The following ITPR1 variants were observed in gnomAD, a reference collection of about 807,000 sequenced individuals.
ITPR1 encodes the protein inositol 1,4,5-trisphosphate-gated calcium channel ITPR1.
A neutral mutation model predicts 318.4 loss-of-function variants in ITPR1; 96 were observed. That is an observed-to-expected ratio of 0.30 (90% CI 0.26 to 0.36). ITPR1 has a LOEUF of 0.36. ITPR1 is among the 10% of genes least tolerant of loss of function. The pLI is 1.00. For synonymous variants in ITPR1, 1,312 were observed against 1,289.9 expected (o/e 1.02, Z -0.37); for missense variants, 2,440 against 3,460.2 (o/e 0.71, Z 7.40).
intron 42 of ITPR1, among the ~76,000 whole-genome samples, chr3:4,729,663 A>T (rs775869673): frequency 3.9e-4 from 59 of 152,342 alleles, no homozygotes; most frequent in Non-Finnish European, 6.0e-4. Context: ...TCATATTGGT[A>T]GAGTGACCAG....
At position 4,627,882 on chromosome 3, in the gene ITPR1, C is replaced by T. The variant is rs764519723; in HGVS notation, c.279+4C>T. On this transcript the variant is annotated splice_donor_region_variant and intron_variant, in intron 5 of 61. Transcript: ENST00000649015. ...AGTGCTACTCAACAAACTGCACGTA[C>T]GTATTGCCATGGGGCTGTCGATGGG... 3.8e-6 allele frequency: 6 copies of T among 1,593,094 alleles called. No individual in the cohort carries two copies. The highest frequency in any genetic ancestry group is 1.1e-5 in the South Asian group (1 of 89,836).
At chr3:4,790,433 G>A (rs1166637272) in intron 52 of ITPR1, among the ~76,000 whole-genome samples, 1 of 152,152 alleles carries the variant, frequency 6.6e-6, no homozygotes. Context: ...TTTCATTTCA[G>A]TGAAACTTAA....
At chr3:4,737,365 G>A (rs1380463607) in intron 44 of ITPR1, among the ~76,000 whole-genome samples, 1 of 152,146 alleles carries the variant, frequency 6.6e-6, no homozygotes, top group Non-Finnish European at 1.5e-5. Context: ...GCCTGCAGAC[G>A]GTCTGTGGAT....
intron 44 of ITPR1, among the ~76,000 whole-genome samples, chr3:4,763,550 C>T (rs938113166): frequency 6.6e-6 from 1 of 152,192 alleles, no homozygotes; most frequent in African/African-American, 2.4e-5. Flanking sequence ...TCTCCAGTTC[C>T]CAACCTATTC....
intron 60 of ITPR1, among the ~76,000 whole-genome samples, chr3:4,819,073 T>C (rs1040873303): frequency 5.9e-5 from 9 of 152,190 alleles, no homozygotes; most frequent in African/African-American, 2.2e-4. Context: ...GGCCTGATAA[T>C]GACTTACCCT....
intron 12 of ITPR1, among the ~76,000 whole-genome samples, chr3:4,657,867 A>G (rs2093748086): frequency 6.6e-6 from 1 of 152,102 alleles, no homozygotes; most frequent in African/African-American, 2.4e-5. Context: ...GGCCTCCCCA[A>G]GTGCTGGGAT....
intron 44 of ITPR1, among the ~76,000 whole-genome samples, 165 bp from the exon 45 acceptor site, chr3:4,766,365 C>G (rs1203235207): frequency 1.3e-5 from 2 of 152,190 alleles, no homozygotes; most frequent in African/African-American, 4.8e-5. Flanking sequence ...GGCCTTAGAA[C>G]CCAGAGAACT....
intron 17 of ITPR1, among the ~76,000 whole-genome samples, chr3:4,666,043 A>G (rs1483652788): frequency 1.3e-5 from 2 of 152,318 alleles, no homozygotes; most frequent in South Asian, 4.1e-4. Context: ...GGACATCCCC[A>G]CACAACCAAG....
chr3:4,806,140 G>T lies in ITPR1; in HGVS notation c.7145G>T (p.Gly2382Val). Residue 2382 changes from glycine to valine, a missense_variant, in exon 55 of 62, where the codon GGC becomes GTC. Physicochemically the swap from Gly to Val is moderately radical, Grantham distance 109. Around this residue, in one of 23 missense-constraint regions of ITPR1, gnomAD observed 126 missense variants for 150.8 expected, o/e 0.84. Transcript: ENST00000649015. ...NKIIFLMSFVGNCGTFTRGYR... is the reference protein window; with the variant it reads ...NKIIFLMSFVVNCGTFTRGYR... ...ATCATCTTTCTAATGAGCTTTGTGG[G>T]CAACTGTGGGACATTCACAAGAGGC... The T allele has an allele frequency of 6.2e-7, 1 of 1,613,800 alleles. No homozygotes were observed. Among genetic ancestry groups the T allele is most frequent in the South Asian group, 1.1e-5 (1 of 91,070 alleles).
intron 42 of ITPR1, among the ~76,000 whole-genome samples, chr3:4,728,427 C>T (rs941090623): frequency 1.3e-5 from 2 of 152,114 alleles, no homozygotes; most frequent in Middle Eastern, 3.2e-3. Context: ...GAACTATGGT[C>T]GTCGGTGTCT....
At chr3:4,748,677 C>T (rs2044281934) in intron 44 of ITPR1, among the ~76,000 whole-genome samples, 1 of 152,048 alleles carries the variant, frequency 6.6e-6, no homozygotes, top group Non-Finnish European at 1.5e-5. Context: ...TTAGTGGATA[C>T]GTGTGTGAGT....
intron 3 of ITPR1, among the ~76,000 whole-genome samples, chr3:4,517,930 A>G (rs886379023): frequency 2.6e-5 from 4 of 152,236 alleles, no homozygotes; most frequent in African/African-American, 9.6e-5. Flanking sequence ...GCTAGGCACT[A>G]TGCTAAATAC....
At chr3:4,664,702 G>T (rs1369055417) in intron 16 of ITPR1, among the ~76,000 whole-genome samples, 1 of 152,220 alleles carries the variant, frequency 6.6e-6, no homozygotes, top group Non-Finnish European at 1.5e-5. Context: ...GATTACTTGT[G>T]CTGGGCACTA....
chr3:4,606,060 C>T lies in ITPR1; in HGVS notation c.164-21703C>T, dbSNP rs114857329. On this transcript the variant is annotated intron_variant, in intron 4 of 61. Coordinates refer to ENST00000649015, the MANE Select transcript of ITPR1 (RefSeq NM_001378452.1). ...GATCAACTTTTTCTTTTCCCAAATCCAGGAGCAGGGGAAAGAGCCTTCCCC... is the reference window on the plus strand; with the variant it reads ...GATCAACTTTTTCTTTTCCCAAATCTAGGAGCAGGGGAAAGAGCCTTCCCC... Among the ~76,000 whole-genome samples the T allele has an allele frequency of 8.2e-3, 1,255 of 152,194 alleles. 11 individuals carry two copies. Among genetic ancestry groups the T allele is most frequent in the African/African-American group, 0.028 (1,183 of 41,534 alleles).
At chr3:4,752,413 C>A (rs927289061) in intron 44 of ITPR1, among the ~76,000 whole-genome samples, 3 of 152,166 alleles carry the variant, frequency 2.0e-5, no homozygotes, top group Non-Finnish European at 4.4e-5. Context: ...GATTAAGGAT[C>A]CTCAGCCAGG....
chr3:4,525,828 C>T (rs1158671492), intron 4 of ITPR1, among the ~76,000 whole-genome samples: 2 of 152,206 alleles, frequency 1.3e-5, no homozygotes, highest in Non-Finnish European at 2.9e-5. Flanking sequence ...ATCTTTTCCT[C>T]TTCCCACTTT....
At chr3:4,589,229 T>C (rs2125064634) in intron 4 of ITPR1, among the ~76,000 whole-genome samples, 1 of 152,324 alleles carries the variant, frequency 6.6e-6, no homozygotes, top group South Asian at 2.1e-4. Flanking sequence ...TTCATATATA[T>C]AAGCAAAAGG....
intron 4 of ITPR1, among the ~76,000 whole-genome samples, chr3:4,616,852 T>C (rs2092408863): frequency 6.6e-6 from 1 of 152,174 alleles, no homozygotes. Context: ...CTAAACTTCA[T>C]TTCTTAGCTT....
chr3:4,677,549 C>A (rs1264791995), intron 24 of ITPR1, among the ~76,000 whole-genome samples: 1 of 152,052 alleles, frequency 6.6e-6, no homozygotes, highest in Non-Finnish European at 1.5e-5. Flanking sequence ...CACAAAGACC[C>A]CATGGTGAAG....
Sources: gnomAD v4.1 joint callset for allele counts (sites outside exome capture counted in the v4.1 genomes callset) on GRCh38, gnomAD v4.1.1 for gene constraint, gnomAD v4.1.1 regional missense constraint, MANE v1.5 for transcripts, NCBI Gene and HGNC (gene_info 2026-07-23, HGNC 2026-07-21) for gene names.